ADCY9: variants seen among roughly 807,000 people sequenced by gnomAD.
ADCY9 encodes adenylate cyclase 9.
A neutral mutation model predicts 101.5 loss-of-function variants in ADCY9; 50 were observed. That is an observed-to-expected ratio of 0.49 (90% CI 0.39 to 0.62). The LOEUF is 0.62. Ranked by LOEUF, ADCY9 falls within the 20% of genes least tolerant of loss-of-function variation. The pLI, the probability that ADCY9 is intolerant of heterozygous loss-of-function variation, is 0.00. For synonymous variants in ADCY9, 905 were observed against 769.3 expected (o/e 1.18, Z -2.92); for missense variants, 1,662 against 1,800.4 (o/e 0.92, Z 1.39).
At chr16:3,974,456 C>G (rs187495386) in intron 10 of ADCY9, among the ~76,000 whole-genome samples, 1 of 152,256 alleles carries the variant, frequency 6.6e-6, no homozygotes, top group East Asian at 1.9e-4. Flanking sequence ...ACTGTAATGT[C>G]TTATTAAAAT....
In ADCY9 at chr16:3,965,850, C is replaced by A; in HGVS notation, c.3987G>T (p.Glu1329Asp). 9 of 1,614,228 alleles carry A rather than the reference C, an allele frequency of 5.6e-6. No individual in the cohort carries two copies. Among genetic ancestry groups the A allele is most frequent in the Non-Finnish European group, 7.6e-6 (9 of 1,180,050 alleles). ...EERGRFGKAI[E>D]KDDCDETGIE... ...TTCCTGTTTCGTCACAGTCGTCTTT[C>A]TCTATGGCTTTGCCAAATCGACCCC... The change falls in exon 11 of 11, where the codon GAG becomes GAT. Residue 1329 changes from glutamate (E) to aspartate (D), a missense_variant. Physicochemically the swap from Glu to Asp is conservative, Grantham distance 45 (BLOSUM62 2). Coordinates refer to ENST00000294016, the MANE Select transcript of ADCY9 (RefSeq NM_001116.4).
At chr16:4,042,898 T>C (rs1033761136) in intron 2 of ADCY9, among the ~76,000 whole-genome samples, 2 of 152,240 alleles carry the variant, frequency 1.3e-5, no homozygotes, top group African/African-American at 4.8e-5. Flanking sequence ...CCTAAACTTC[T>C]CTGTGCTTCG....
chr16:4,073,118 A>G (rs756395548), intron 2 of ADCY9, among the ~76,000 whole-genome samples: 2 of 152,004 alleles, frequency 1.3e-5, no homozygotes, highest in Non-Finnish European at 2.9e-5. Flanking sequence ...TTTTTCAGAA[A>G]GAGTCTCACT....
chr16:4,021,927 C>T (rs974815690), intron 2 of ADCY9, among the ~76,000 whole-genome samples: 1 of 152,220 alleles, frequency 6.6e-6, no homozygotes, highest in Non-Finnish European at 1.5e-5. Flanking sequence ...TATCAGACCC[C>T]ATGGCTCCTT....
intron 2 of ADCY9, among the ~76,000 whole-genome samples, chr16:4,052,778 G>A (rs923904967): frequency 6.6e-6 from 1 of 152,190 alleles, no homozygotes; most frequent in Non-Finnish European, 1.5e-5. Flanking sequence ...AATATTGAAT[G>A]TGGCTTTTTC....
chr16:3,994,059 C>T (rs770685386), intron 3 of ADCY9, among the ~76,000 whole-genome samples: 3 of 152,116 alleles, frequency 2.0e-5, no homozygotes, highest in Non-Finnish European at 4.4e-5. Flanking sequence ...AAAAGTCAGA[C>T]GCTGAAATCC....
chr16:3,989,522 G>A (rs959802212), intron 5 of ADCY9, among the ~76,000 whole-genome samples: 9 of 152,142 alleles, frequency 5.9e-5, no homozygotes, highest in Non-Finnish European at 8.8e-5. Context: ...GGGATTACAG[G>A]CGCCTGCCAC....
chr16:3,979,214 C>T lies in ADCY9; in HGVS notation c.2581G>A (p.Gly861Ser), dbSNP rs763275318. Residue 861 changes from glycine to serine, a missense_variant, in exon 8 of 11, where the codon GGC becomes AGC. By Grantham distance (56) the Gly-to-Ser change is moderately conservative (BLOSUM62 0). This residue lies in a region of ADCY9 where 624 missense variants were observed against 639.1 expected (regional missense o/e 0.98). Transcript: ENST00000294016. ...CTKRLLEWIAGWLPRHCIGAI... is the reference protein window; with the variant it reads ...CTKRLLEWIASWLPRHCIGAI... ...CCGATGCAGTGACGTGGTAGCCAGCCGGCGATCCACTCCAGCAGGCGCTTG... is the reference window on the plus strand; with the variant it reads ...CCGATGCAGTGACGTGGTAGCCAGCTGGCGATCCACTCCAGCAGGCGCTTG... The T allele has an allele frequency of 2.8e-5, 45 of 1,613,868 alleles. No homozygotes were observed. The highest frequency in any genetic ancestry group is 4.0e-5 in the African/African-American group (3 of 74,918).
chr16:3,970,658 A>G lies in ADCY9; in HGVS notation c.2871-3692T>C, dbSNP rs145823931. ...CTCAGTCCTTTAATCAAAGTGTCTA[A>G]TAAGTTTCACTAACTGTTCTTGGGA... On this transcript the variant is annotated intron_variant, in intron 10 of 10. Coordinates refer to ENST00000294016, the MANE Select transcript of ADCY9 (RefSeq NM_001116.4). Among the ~76,000 whole-genome samples the G allele has an allele frequency of 4.2e-3, 634 of 152,346 alleles. 7 individuals are homozygous for G. Among genetic ancestry groups the G allele is most frequent in the African/African-American group, 0.014 (590 of 41,580 alleles).
At chr16:4,070,402 T>C (rs1338096650) in intron 2 of ADCY9, among the ~76,000 whole-genome samples, 1 of 152,208 alleles carries the variant, frequency 6.6e-6, no homozygotes, top group Non-Finnish European at 1.5e-5. Context: ...AGGATGTGGA[T>C]GAAAGTTTCA....
rs2056927076 is a variant in ADCY9 at position 4,084,800 on chromosome 16, A to G, written c.1693+28950T>C. On this transcript the variant is annotated intron_variant, in intron 2 of 10. Transcript: ENST00000294016. The stretch of plus-strand genomic sequence containing the variant: ...ATCTCTGTGTTTCTGTTATTAACAT[A>G]GCCAAACTGAGCCGCCTGCTAGTTA... Among the ~76,000 whole-genome samples the G allele has an allele frequency of 3.3e-5, 5 of 152,114 alleles. No homozygotes were observed. In the South Asian group the frequency reaches 1.0e-3, roughly 31 times the overall value.
chr16:4,041,786 G>A (rs190966611), intron 2 of ADCY9, among the ~76,000 whole-genome samples: 8 of 147,138 alleles, frequency 5.4e-5, no homozygotes, highest in East Asian at 2.0e-4. Context: ...AGGTTTCACC[G>A]TGTTGCCCAT....
intron 6 of ADCY9, 93 bp from the exon 7 acceptor site, chr16:3,983,533 A>T: frequency 9.2e-7 from 1 of 1,092,774 alleles, no homozygotes; most frequent in Non-Finnish European, 1.4e-6. Flanking sequence ...CGTGCGGAGC[A>T]CTGCTGCTCT....
intron 6 of ADCY9, among the ~76,000 whole-genome samples, chr16:3,984,560 G>A (rs1311244882): frequency 6.6e-6 from 1 of 152,160 alleles, no homozygotes; most frequent in East Asian, 1.9e-4. Flanking sequence ...GGAGGCCAAG[G>A]CCAGGGGCTA....
At chr16:4,104,635 C>G (rs891513124) in intron 2 of ADCY9, among the ~76,000 whole-genome samples, 2 of 151,972 alleles carry the variant, frequency 1.3e-5, no homozygotes, top group African/African-American at 4.8e-5. Context: ...GAAACTACTA[C>G]TCACTTGTTG....
chr16:3,993,503 G>A lies in ADCY9; in HGVS notation c.1892C>T (p.Pro631Leu), dbSNP rs140567074. The A allele has an allele frequency of 3.7e-6, 6 of 1,614,066 alleles. No individual in the cohort carries two copies. The highest frequency in any genetic ancestry group is 5.1e-6 in the Non-Finnish European group (6 of 1,180,008). The change falls in exon 4 of 11, where the codon CCT becomes CTT. Residue 631 changes from proline to leucine, a missense_variant. Pro to Leu is a moderately conservative substitution (Grantham distance 98). Around this residue, in one of 5 missense-constraint regions of ADCY9, gnomAD observed 624 missense variants for 639.1 expected, o/e 0.98. Coordinates refer to ENST00000294016, the MANE Select transcript of ADCY9 (RefSeq NM_001116.4). ...VKTFDNLKTC[P>L]SCGITFAPKS... Reference sequence around the variant, plus strand: ...GGGAGCAAATGTGATTCCGCACGAAGGGCAGGTCTAGAAGAAAAACACAGA... The same window carrying A: ...GGGAGCAAATGTGATTCCGCACGAAAGGCAGGTCTAGAAGAAAAACACAGA...
chr16:4,116,404 C>A lies in ADCY9; in HGVS notation c.-758G>T, dbSNP rs1234927403. Among the ~76,000 whole-genome samples, 1 of 146,050 alleles carries A rather than the reference C, an allele frequency of 6.8e-6. No individual in the cohort carries two copies. Among genetic ancestry groups the A allele is most frequent in the Non-Finnish European group, 1.5e-5 (1 of 65,708 alleles). On this transcript the variant is annotated 5_prime_UTR_variant, in exon 1 of 11. Transcript: ENST00000294016. ...CTGCCTCATGTCGGAAGAGCTGCCGCCGCCACCATCTCCGGCCCCTGCCCC... is the reference window on the plus strand; with the variant it reads ...CTGCCTCATGTCGGAAGAGCTGCCGACGCCACCATCTCCGGCCCCTGCCCC...
At chr16:4,035,998 C>CAAAAAAAAA (rs55792873) in intron 2 of ADCY9, among the ~76,000 whole-genome samples, 1 of 23,168 alleles carries the variant, frequency 4.3e-5, no homozygotes, top group African/African-American at 1.6e-4. Context: ...AACTCCATCT[C>CAAAAAAAAA]AAAAAAAAAA....
In ADCY9 at chr16:3,989,044, A is replaced by C. The variant is rs1010017999; in HGVS notation, c.2260T>G (p.Phe754Val). ...KPPINQFSLN[F>V]LDQELERSYR... ...GATCGCTCCAGCTCCTGATCCAGGAAGTTCAGGCTGAACTGATTAATGGGC... is the reference window on the plus strand; with the variant it reads ...GATCGCTCCAGCTCCTGATCCAGGACGTTCAGGCTGAACTGATTAATGGGC... The change falls in exon 6 of 11, where the codon TTC (phenylalanine) becomes GTC (valine). Residue 754 changes from phenylalanine (F) to valine (V), a missense_variant. Phe to Val is a conservative substitution (Grantham distance 50). Coordinates refer to ENST00000294016, the MANE Select transcript of ADCY9 (RefSeq NM_001116.4). 1.9e-6 allele frequency: 3 copies of C among 1,614,084 alleles called. No individual in the cohort carries two copies. Among genetic ancestry groups the C allele is most frequent in the Non-Finnish European group, 2.5e-6 (3 of 1,180,024 alleles).
Sources: allele counts gnomAD v4.1 joint callset (sites outside exome capture counted in the v4.1 genomes callset), GRCh38; gene constraint gnomAD v4.1.1; regional missense constraint gnomAD v4.1.1; transcripts MANE v1.5; gene names NCBI Gene and HGNC (gene_info 2026-07-23, HGNC 2026-07-21).